Variants in PTPRN observed in about 807,000 individuals in gnomAD.
PTPRN encodes receptor-type tyrosine-protein phosphatase-like N.
In PTPRN, 70 loss-of-function variants were observed where a neutral mutation model predicts 108.5. That is an observed-to-expected ratio of 0.65 (90% CI 0.53 to 0.79). The LOEUF (loss-of-function observed/expected upper bound fraction) is 0.79. Ranked by LOEUF, PTPRN falls within the 30% of genes least tolerant of loss-of-function variation. The probability of loss-of-function intolerance (pLI) is 0.00; values close to 1 mark genes in which losing one functional copy is unlikely to be tolerated. For synonymous variants in PTPRN, 496 were observed against 524.6 expected, an observed-to-expected ratio of 0.95 and a Z score of 0.75; for missense variants, 1,136 against 1,295.5, an observed-to-expected ratio of 0.88 and a Z score of 1.89.
chr2:219,290,505 G>A lies in PTPRN; in HGVS notation c.2868+33C>T, dbSNP rs1024218570. On this transcript the variant is annotated intron_variant, in intron 22 of 22. Coordinates refer to ENST00000295718, the MANE Select transcript of PTPRN (RefSeq NM_002846.4). The surrounding 1 kb of genome is among the most constrained non-coding windows in gnomAD (Gnocchi z 4.2). The stretch of plus-strand genomic sequence containing the variant: ...AAGAAGTGGGTGCTAGGGAAGGGTG[G>A]GAGCTGGGGTTGGGGCAGGAAGGCA... 6.0e-5 allele frequency: 92 copies of A among 1,540,284 alleles called. No homozygotes were observed. Among genetic ancestry groups the A allele is most frequent in the Non-Finnish European group, 7.6e-5 (87 of 1,137,396 alleles).
chr2:219,307,516 G>T lies in PTPRN; in HGVS notation c.208C>A (p.Arg70=), dbSNP rs756735224. Residue 70 remains arginine, a synonymous_variant, in exon 3 of 23, where the codon CGG becomes AGG. Transcript: ENST00000295718. ...GQCQVGVGQA[R]PLLQVTSPVL... is the part of the protein sequence containing the mutation. ...GGGGAGGTGACTTGCAAAAGGGGCC[G>T]GGCCTGCCCCACTCCCACCTGGCAC... 1 of 1,614,136 alleles carries T rather than the reference G, an allele frequency of 6.2e-7. No individual in the cohort carries two copies. Among genetic ancestry groups the T allele is most frequent in the Non-Finnish European group, 8.5e-7 (1 of 1,180,024 alleles).
At chr2:219,291,429 C>G (rs567843857) in intron 20 of PTPRN, 41 bp downstream of exon 20, 2 of 1,601,528 alleles carry the variant, frequency 1.2e-6, no homozygotes, top group East Asian at 2.2e-5. Flanking sequence ...GAGACGCACA[C>G]AGGGAGTGGG....
chr2:219,297,057 C>G lies in PTPRN; in HGVS notation c.2164G>C (p.Glu722Gln). Residue 722 changes from glutamate (E) to glutamine (Q), a missense_variant, in exon 15 of 23, where the codon GAG becomes CAG. Glu to Gln is a conservative substitution (Grantham distance 29). Coordinates refer to ENST00000295718, the MANE Select transcript of PTPRN (RefSeq NM_002846.4). The surrounding 1 kb of genome is among the most constrained non-coding windows in gnomAD (Gnocchi z 6.0). ...TGCGCGGTGGCACAGGTGTTTGGCT[C>G]TGCTTGGTAGGCACAGAGGGCCTGC... is the stretch of plus-strand genomic sequence containing the variant. ...EWQALCAYQA[E>Q]PNTCATAQGE... 1 of 1,614,118 alleles carries G rather than the reference C, an allele frequency of 6.2e-7. No homozygotes were observed. The highest frequency in any genetic ancestry group is 8.5e-7 in the Non-Finnish European group (1 of 1,180,040).
intron 19 of PTPRN, chr2:219,292,089 G>C (rs1353592585): frequency 1.2e-5 from 2 of 161,122 alleles, no homozygotes; most frequent in Admixed American, 1.1e-4. Flanking sequence ...TCAGGCTCCA[G>C]TGGTCCTTAC....
In PTPRN at chr2:219,296,597, G is replaced by T; in HGVS notation, c.2311-81C>A. The T allele has an allele frequency of 6.3e-7, 1 of 1,577,472 alleles. No homozygotes were observed. Among genetic ancestry groups the T allele is most frequent in the Non-Finnish European group, 8.7e-7 (1 of 1,149,602 alleles). On this transcript the variant is annotated intron_variant, in intron 16 of 22. Transcript: ENST00000295718. This position sits in a 1 kb window ranked among gnomAD's most constrained non-coding sequence, Gnocchi z 6.0. ...GCGTGGTCAGAGCAAGTGGGTCAGG[G>T]TCTGAGAAGGCTGGCAGTTCCCCCT...
At chr2:219,309,131 T>G in intron 1 of PTPRN, 87 bp downstream of exon 1, 3 of 1,382,620 alleles carry the variant, frequency 2.2e-6, no homozygotes, top group Non-Finnish European at 1.9e-6. Flanking sequence ...CTTCATGACA[T>G]TTCACCCTCA....
rs151230230 is a variant in PTPRN, at chr2:219,295,074, A to G, written c.2576T>C (p.Val859Ala). Residue 859 changes from valine (V) to alanine (A), a missense_variant, in exon 19 of 23, where the codon GTG becomes GCG. Val to Ala is a moderately conservative substitution (Grantham distance 64, BLOSUM62 0). Coordinates refer to ENST00000295718, the MANE Select transcript of PTPRN (RefSeq NM_002846.4). Reference sequence around the variant, plus strand: ...GAGCGTGCGCGTCTCCTGGGTCTGCACGTTCTTCAGGTAGAAGCTCCGCAC... The same window carrying G: ...GAGCGTGCGCGTCTCCTGGGTCTGCGCGTTCTTCAGGTAGAAGCTCCGCAC... ...FLVRSFYLKNVQTQETRTLTQ... is the reference protein window; with the variant it reads ...FLVRSFYLKNAQTQETRTLTQ... The G allele has an allele frequency of 1.9e-6, 3 of 1,613,566 alleles. No homozygotes were observed. Among genetic ancestry groups the G allele is most frequent in the East Asian group, 2.2e-5 (1 of 44,824 alleles).
Position 219,295,140 on chromosome 2 carries a change from A to C in PTPRN, c.2510T>G (p.Val837Gly). The change falls in exon 19 of 23, where the codon GTG becomes GGG. Residue 837 changes from valine (V) to glycine (G), a missense_variant and splice_region_variant. Transcript: ENST00000295718. The stretch of plus-strand genomic sequence containing the variant: ...CCAGATGTGCTCCGACACCAGGTTC[A>C]CCTGCCCGGCAGGGGCCCAGGCCTG... ...EGASLYHVYEVNLVSEHIWCE... is the reference protein window; with the variant it reads ...EGASLYHVYEGNLVSEHIWCE... The C allele has an allele frequency of 6.2e-7, 1 of 1,609,302 alleles. No homozygotes were observed. Among genetic ancestry groups the C allele is most frequent in the Non-Finnish European group, 8.5e-7 (1 of 1,177,948 alleles).
At position 219,297,114 on chromosome 2, in the gene PTPRN, G is replaced by C; in HGVS notation, c.2107C>G (p.Leu703Val). 1.2e-6 allele frequency: 2 copies of C among 1,614,084 alleles called. No individual in the cohort carries two copies. The highest frequency in any genetic ancestry group is 1.7e-6 in the Non-Finnish European group (2 of 1,180,014). Residue 703 changes from leucine to valine, a missense_variant, in exon 15 of 23, where the codon CTG (leucine) becomes GTG (valine). Coordinates refer to ENST00000295718, the MANE Select transcript of PTPRN (RefSeq NM_002846.4). The surrounding 1 kb of genome is among the most constrained non-coding windows in gnomAD (Gnocchi z 6.0). ...TTGGCAAGGCGGTCCCGGTTCCGCAGGTGATCCTCCATGTATGCCTGTGGG... is the reference window on the plus strand; with the variant it reads ...TTGGCAAGGCGGTCCCGGTTCCGCACGTGATCCTCCATGTATGCCTGTGGG... ...HMILAYMEDH[L>V]RNRDRLAKEW... is the part of the protein sequence containing the mutation.
chr2:219,309,176 T>TGCCCCCCCCCCCC, intron 1 of PTPRN, 42 bp downstream of exon 1: 59 of 1,364,276 alleles, frequency 4.3e-5, no homozygotes, highest in East Asian at 8.1e-5. Flanking sequence ...CCCAAGCTGC[T>TGCCCCCCCCCCCC]CCCCGCCCCC....
At chr2:219,291,016 G>A (rs554296722) in intron 20 of PTPRN, 126 bp from the exon 21 acceptor site, 8 of 885,914 alleles carry the variant, frequency 9.0e-6, no homozygotes, top group Non-Finnish European at 1.1e-5. Flanking sequence ...GGGTTGGCTT[G>A]GAGAGGGACA....
Position 219,296,219 on chromosome 2 carries a change from T to G in PTPRN, c.2508+7A>C, listed in dbSNP as rs1452091611. On this transcript the variant is annotated splice_region_variant and intron_variant, in intron 18 of 22. Transcript: ENST00000295718. This position sits in a 1 kb window ranked among gnomAD's most constrained non-coding sequence, Gnocchi z 6.0. ...CCATTGTCCCCTTGCTGTGGGGCCC[T>G]GCTGACCTCATATACGTGGTAGAGG... 1.2e-6 allele frequency: 2 copies of G among 1,614,044 alleles called. No individual in the cohort carries two copies. The highest frequency in any genetic ancestry group is 2.7e-5 in the African/African-American group (2 of 74,922).
chr2:219,305,020 A>T (rs1458703584), intron 3 of PTPRN, among the ~76,000 whole-genome samples: 56 of 152,236 alleles, frequency 3.7e-4, no homozygotes, highest in Admixed American at 9.8e-4. Flanking sequence ...GCTCTCATCA[A>T]GAGCAGCTTT....
In PTPRN at chr2:219,290,683, C is replaced by G; in HGVS notation, c.2795-72G>C. ...AGGACAGGACCCAGAAAACCTGAGG[C>G]CTCCTGGAGGCAAAGAGCCTTGGAG... is the stretch of plus-strand genomic sequence containing the variant. On this transcript the variant is annotated intron_variant, in intron 21 of 22. Transcript: ENST00000295718. This position sits in a 1 kb window ranked among gnomAD's most constrained non-coding sequence, Gnocchi z 4.2. 1 of 1,491,026 alleles carries G rather than the reference C, an allele frequency of 6.7e-7. No homozygotes were observed. The allele number at this position is 1,491,026 out of a possible 1,614,324, so 92.4% of individuals were successfully genotyped here. A position where few individuals can be genotyped will look rare whatever the true frequency, so the allele number is the denominator to read the frequency against.
At position 219,297,031 on chromosome 2, in the gene PTPRN, C is replaced by T. The variant is rs773503812; in HGVS notation, c.2190G>A (p.Gln730=). ...QAEPNTCATA[Q]GEGNIKKNRH... is the part of the protein sequence containing the mutation. ...GGTTCTTTTTGATGTTGCCCTCCCCCTGCGCGGTGGCACAGGTGTTTGGCT... is the reference window on the plus strand; with the variant it reads ...GGTTCTTTTTGATGTTGCCCTCCCCTTGCGCGGTGGCACAGGTGTTTGGCT... The change falls in exon 15 of 23, where the codon CAG becomes CAA. Residue 730 remains glutamine (Q), a synonymous_variant. Coordinates refer to ENST00000295718, the MANE Select transcript of PTPRN (RefSeq NM_002846.4). This position sits in a 1 kb window ranked among gnomAD's most constrained non-coding sequence, Gnocchi z 6.0. 1 of 1,614,080 alleles carries T rather than the reference C, an allele frequency of 6.2e-7. No homozygotes were observed. The highest frequency in any genetic ancestry group is 2.2e-5 in the East Asian group (1 of 44,868).
At chr2:219,307,390 C>T (rs1952509573) in intron 3 of PTPRN, 54 bp downstream of exon 3, 20 of 1,436,514 alleles carry the variant, frequency 1.4e-5, no homozygotes, top group Non-Finnish European at 1.9e-5. Flanking sequence ...TCTTCTTCCC[C>T]ACCCATAACT....
At chr2:219,298,753 G>A (rs181798191) in intron 12 of PTPRN, among the ~76,000 whole-genome samples, 1 of 152,354 alleles carries the variant, frequency 6.6e-6, no homozygotes, top group Non-Finnish European at 1.5e-5. Flanking sequence ...TGTCCTTTCT[G>A]TGCAAGGTGT....
In PTPRN at chr2:219,309,209, C is replaced by T; in HGVS notation, c.115+9G>A. 9.2e-7 allele frequency: 1 copy of T among 1,083,420 alleles called. No homozygotes were observed. The highest frequency in any genetic ancestry group is 1.3e-6 in the Non-Finnish European group (1 of 769,794). 67.1% of individuals were successfully genotyped at this position (1,083,420 alleles called of 1,614,324 possible). A position where few individuals can be genotyped will look rare whatever the true frequency, so the allele number is the denominator to read the frequency against. On this transcript the variant is annotated intron_variant, in intron 1 of 22. Coordinates refer to ENST00000295718, the MANE Select transcript of PTPRN (RefSeq NM_002846.4). ...CCCCACCACCCGCCAGCCCAAGTTTCCTCCTGACCGTGGGCACTAACGGCG... is the reference window on the plus strand; with the variant it reads ...CCCCACCACCCGCCAGCCCAAGTTTTCTCCTGACCGTGGGCACTAACGGCG...
At position 219,302,387 on chromosome 2, in the gene PTPRN, G is replaced by A. The variant is rs765852822; in HGVS notation, c.744C>T (p.Ala248=). The A allele has an allele frequency of 5.0e-5, 80 of 1,613,992 alleles. No individual in the cohort carries two copies. The highest frequency in any genetic ancestry group is 6.5e-5 in the Non-Finnish European group (77 of 1,179,962). Residue 248 remains alanine, a synonymous_variant, in exon 6 of 23, where the codon GCC becomes GCT. Coordinates refer to ENST00000295718, the MANE Select transcript of PTPRN (RefSeq NM_002846.4). ...GGTGGTCCCCAAATATGCCCTTGGA[G>A]GCAGTTCTGCTGAAGAGGGCAGGGG... ...AEAPALFSRT[A]SKGIFGDHPG...
Sources: allele counts gnomAD v4.1 joint callset (sites outside exome capture counted in the v4.1 genomes callset), GRCh38; gene constraint gnomAD v4.1.1; non-coding constraint Gnocchi (gnomAD v3.1); transcripts MANE v1.5; gene names NCBI Gene and HGNC (gene_info 2026-07-23, HGNC 2026-07-21).